Variants in KLHL13 observed in about 807,000 individuals in gnomAD.
The protein encoded by KLHL13 is kelch like family member 13, also known as kelch-like protein 13.
A neutral mutation model predicts 37.1 loss-of-function variants in KLHL13; 10 were observed. The observed-to-expected ratio is 0.27, with a 90% CI of 0.17 to 0.46. The LOEUF (loss-of-function observed/expected upper bound fraction) is 0.46, where lower values mean the gene tolerates loss of function less well. KLHL13 is among the 20% of genes least tolerant of loss of function. KLHL13 has a pLI of 1.00. For missense variants in KLHL13, 360 were observed against 509.3 expected, an observed-to-expected ratio of 0.71 and a Z score of 2.82; for synonymous variants, 163 against 181.2, an observed-to-expected ratio of 0.90 and a Z score of 0.81.
chrX:118,053,800 A>AGAGAGAGAGAGAGAGAGAGGAGAG (rs2054646605), intron 1 of KLHL13, among the ~76,000 whole-genome samples: 1 of 49,436 alleles, frequency 2.0e-5, no homozygotes, highest in African/African-American at 1.3e-4. Context: ...TGTGTGTGTG[A>AGAGAGAGAGAGAGAGAGAGGAGAG]GAGAGAGAGA....
intron 1 of KLHL13, among the ~76,000 whole-genome samples, chrX:118,059,763 C>A (rs2054721652): frequency 9.0e-6 from 1 of 111,164 alleles, no homozygotes. Flanking sequence ...CCTCTCTGGG[C>A]TACACTGACC....
At chrX:117,918,626 A>C (rs1296856212) in intron 4 of KLHL13, among the ~76,000 whole-genome samples, 1 of 111,792 alleles carries the variant, frequency 8.9e-6, no homozygotes, top group Non-Finnish European at 1.9e-5. Context: ...GTAAAATTTA[A>C]AGGTCTCAAC....
intron 2 of KLHL13, among the ~76,000 whole-genome samples, chrX:117,921,023 T>C (rs1931668277): frequency 1.8e-5 from 2 of 111,442 alleles, no homozygotes; most frequent in East Asian, 5.6e-4. Flanking sequence ...TGTCTCCAAA[T>C]GCCTAAAGGT....
At position 118,019,521 on chromosome X, in the gene KLHL13, C is replaced by T. The variant is rs1200566065; in HGVS notation, c.-55-73946G>A. On this transcript the variant is annotated intron_variant, in intron 1 of 6. Coordinates refer to the KLHL13 transcript ENST00000371882. ...ATTAGATCCCATTTGTCAATTTTGG[C>T]TTTTGTTGCCATTGCTTTTGGTGTT... is the stretch of plus-strand genomic sequence containing the variant. Among the ~76,000 whole-genome samples the T allele has an allele frequency of 2.7e-5, 3 of 110,954 alleles. No homozygotes were observed. The East Asian group carries it at 8.5e-4, about 31-fold the overall frequency.
chrX:117,991,114 G>T (rs1183515589), intron 1 of KLHL13, among the ~76,000 whole-genome samples: 3 of 88,866 alleles, frequency 3.4e-5, no homozygotes, highest in Non-Finnish European at 5.8e-5. Flanking sequence ...TGTTTGGAAA[G>T]GCTGGAAATT....
intron 1 of KLHL13, among the ~76,000 whole-genome samples, chrX:118,041,473 G>A (rs944035122): frequency 1.8e-5 from 2 of 111,322 alleles, no homozygotes; most frequent in Admixed American, 1.9e-4. Context: ...AGGCTACAGT[G>A]AGCTGAGATC....
intron 1 of KLHL13, among the ~76,000 whole-genome samples, chrX:117,954,101 G>C (rs192371527): frequency 1.8e-5 from 2 of 111,713 alleles, no homozygotes; most frequent in African/African-American, 6.5e-5. Flanking sequence ...TATTCCATTA[G>C]ATAACTATAA....
chrX:117,968,383 G>A (rs147207182), intron 1 of KLHL13, among the ~76,000 whole-genome samples: 1,536 of 111,087 alleles, frequency 0.014, 26 homozygotes, highest in African/African-American at 0.047. Context: ...AAAGGGGTTT[G>A]GACTTTCTAA....
intron 2 of KLHL13, among the ~76,000 whole-genome samples, chrX:117,944,188 C>T (rs1267533203): frequency 9.0e-6 from 1 of 110,901 alleles, no homozygotes; most frequent in Non-Finnish European, 1.9e-5. Flanking sequence ...CACCCACCTT[C>T]TGCGTTGATC....
At chrX:118,026,446 A>G (rs1337707409) in intron 1 of KLHL13, among the ~76,000 whole-genome samples, 1 of 111,756 alleles carries the variant, frequency 8.9e-6, no homozygotes, top group Non-Finnish European at 1.9e-5. Flanking sequence ...CAGTTTGAAA[A>G]GAGCCTCTAT....
intron 1 of KLHL13, among the ~76,000 whole-genome samples, chrX:117,969,476 A>C (rs1345113583): frequency 8.9e-6 from 1 of 111,798 alleles, no homozygotes; most frequent in Non-Finnish European, 1.9e-5. Context: ...TCAGGGGCAG[A>C]GTCTTTACTA....
chrX:118,003,938 G>T lies in KLHL13; in HGVS notation c.-55-58363C>A, dbSNP rs1474466355. 8.1e-5 allele frequency among the ~76,000 whole-genome samples: 9 copies of T among 110,716 alleles called. No individual in the cohort carries two copies. In the Admixed American group the frequency reaches 8.7e-4, roughly 11 times the overall value. On this transcript the variant is annotated intron_variant, in intron 1 of 6. Transcript: ENST00000371882. Reference sequence around the variant, plus strand: ...GATGAGGAAGGTGTCATTGCAGGAAGACTACATCAATGGTGGACTGATGTG... The same window carrying T: ...GATGAGGAAGGTGTCATTGCAGGAATACTACATCAATGGTGGACTGATGTG...
intron 1 of KLHL13, among the ~76,000 whole-genome samples, chrX:117,966,706 A>T (rs1429789869): frequency 2.7e-5 from 3 of 111,420 alleles, no homozygotes; most frequent in African/African-American, 9.8e-5. Flanking sequence ...TGGTACCAAA[A>T]CAGAGATATA....
At chrX:117,967,414 C>T (rs1202446382) in intron 1 of KLHL13, among the ~76,000 whole-genome samples, 8 of 110,967 alleles carry the variant, frequency 7.2e-5, no homozygotes, top group East Asian at 2.8e-4. Flanking sequence ...CTCATCGCTC[C>T]GTCTCCCCAA....
chrX:118,104,058 A>AAAAAAAAAAAC (rs2055319618), intron 1 of KLHL13, among the ~76,000 whole-genome samples: 1 of 105,297 alleles, frequency 9.5e-6, no homozygotes, highest in African/African-American at 3.5e-5. Flanking sequence ...TAAAAAAAAA[A>AAAAAAAAAAAC]AAAAAAAAAA....
intron 1 of KLHL13, among the ~76,000 whole-genome samples, chrX:118,089,106 GA>G (rs1021559916): frequency 1.8e-5 from 2 of 111,304 alleles, no homozygotes; most frequent in African/African-American, 6.5e-5. Flanking sequence ...AAACACTACA[GA>G]AAAAAATATG....
intron 1 of KLHL13, among the ~76,000 whole-genome samples, chrX:117,992,104 G>A (rs2147948378): frequency 9.1e-6 from 1 of 110,176 alleles, no homozygotes; most frequent in South Asian, 4.0e-4. Flanking sequence ...CTGAGGGAAT[G>A]AGGCAGGCTG....
chrX:118,010,148 T>C (rs2054044266), intron 1 of KLHL13, among the ~76,000 whole-genome samples: 1 of 99,707 alleles, frequency 1.0e-5, no homozygotes, highest in Non-Finnish European at 2.0e-5. Flanking sequence ...GGTGGGACTG[T>C]AAACTAGTTC....
chrX:118,074,443 C>T (rs992376187), intron 1 of KLHL13, among the ~76,000 whole-genome samples: 1 of 111,685 alleles, frequency 9.0e-6, no homozygotes, highest in Non-Finnish European at 1.9e-5. Context: ...GTTTTCTTCA[C>T]TTATCATGCA....
Sources: gnomAD v4.1 joint callset for allele counts (sites outside exome capture counted in the v4.1 genomes callset) on GRCh38, gnomAD v4.1.1 for gene constraint, MANE v1.5 for transcripts, NCBI Gene and HGNC (gene_info 2026-07-23, HGNC 2026-07-21) for gene names.